Variants in HMGCLL1 observed in about 807,000 individuals in gnomAD.
HMGCLL1 encodes 3-hydroxy-3-methylglutaryl-CoA lyase like 1, also known as 3-hydroxymethyl-3-methylglutaryl-CoA lyase, cytoplasmic.
HMGCLL1 carries 36 observed loss-of-function variants against 39.1 expected under a neutral mutation model. That is an observed-to-expected ratio of 0.92 (90% CI 0.71 to 1.22). HMGCLL1 has a LOEUF of 1.22. Among genes scored for constraint, HMGCLL1 ranks in the 50% most tolerant of loss-of-function variants. The pLI is 0.00. For missense variants in HMGCLL1, 451 were observed against 416.5 expected, an observed-to-expected ratio of 1.08 and a Z score of -0.72; for synonymous variants, 149 against 144.0, an observed-to-expected ratio of 1.03 and a Z score of -0.25.
the HMGCLL1 span, among the ~76,000 whole-genome samples, chr6:55,648,513 A>AT: frequency 2.3e-5 from 2 of 86,590 alleles, no homozygotes; most frequent in East Asian, 6.6e-4. Context: ...AATAGACACA[A>AT]TAAAAAATGA....
chr6:55,446,953 G>T (rs564455856), intron 7 of HMGCLL1, among the ~76,000 whole-genome samples: 1 of 151,870 alleles, frequency 6.6e-6, no homozygotes, highest in South Asian at 2.1e-4. Context: ...AGTAATGTTA[G>T]ATTTAATTTA....
chr6:55,667,518 G>A, the HMGCLL1 span, among the ~76,000 whole-genome samples: 3 of 151,664 alleles, frequency 2.0e-5, no homozygotes, highest in South Asian at 4.1e-4. Context: ...GACAAGAAAC[G>A]GTACAAAGGA....
the HMGCLL1 span, among the ~76,000 whole-genome samples, chr6:55,597,348 A>G: frequency 4.6e-5 from 7 of 152,094 alleles, no homozygotes; most frequent in South Asian, 2.1e-4. Context: ...AAGCATATTG[A>G]AAGAAAAAGG....
At chr6:55,609,665 C>T in the HMGCLL1 span, among the ~76,000 whole-genome samples, 1 of 152,164 alleles carries the variant, frequency 6.6e-6, no homozygotes, top group African/African-American at 2.4e-5. Flanking sequence ...AACTCGTCCA[C>T]CAAGGGACAG....
the HMGCLL1 span, among the ~76,000 whole-genome samples, chr6:55,665,541 G>C: frequency 1.3e-5 from 2 of 151,750 alleles, no homozygotes; most frequent in African/African-American, 4.8e-5. Flanking sequence ...TCCCTCTCTT[G>C]GTTGTTTCAC....
chr6:55,542,210 AAAC>A, intron 1 of HMGCLL1, 70 bp from the exon 2 acceptor site: 2 of 943,766 alleles, frequency 2.1e-6, no homozygotes, highest in Non-Finnish European at 3.3e-6. Flanking sequence ...TTGAAAAGTT[AAAC>A]AACTGCACTT....
At chr6:55,530,201 T>G (rs576401377) in intron 3 of HMGCLL1, among the ~76,000 whole-genome samples, 1 of 152,074 alleles carries the variant, frequency 6.6e-6, no homozygotes, top group African/African-American at 2.4e-5. Flanking sequence ...TATAAATAGA[T>G]TACACATTAT....
At chr6:55,576,061 T>C (rs1771746374) in intron 1 of HMGCLL1, among the ~76,000 whole-genome samples, 1 of 152,222 alleles carries the variant, frequency 6.6e-6, no homozygotes, top group South Asian at 2.1e-4. Context: ...CCGTGGTGAA[T>C]TGCTTCCTTA....
Position 55,516,269 on chromosome 6 carries a change from A to G in HMGCLL1, c.393+239T>C, listed in dbSNP as rs569475756. Among the ~76,000 whole-genome samples the G allele has an allele frequency of 3.9e-4, 60 of 152,294 alleles. 2 individuals are homozygous for G. In the South Asian group the frequency reaches 0.012, roughly 31 times the overall value. ...TACTTCTAAGAAATTTCACAAAAAA[A>G]TGCAGAATTTTACTTTTGTGTTTTG... On this transcript the variant is annotated intron_variant, in intron 4 of 8. Transcript: ENST00000274901.
chr6:55,571,273 A>G (rs1285469409), intron 1 of HMGCLL1, among the ~76,000 whole-genome samples: 1 of 152,236 alleles, frequency 6.6e-6, no homozygotes, highest in Non-Finnish European at 1.5e-5. Context: ...AACAAAAAGA[A>G]TCTTGAGAAT....
At chr6:55,642,800 C>T in the HMGCLL1 span, among the ~76,000 whole-genome samples, 1 of 152,138 alleles carries the variant, frequency 6.6e-6, no homozygotes, top group African/African-American at 2.4e-5. Flanking sequence ...TCACCTTCCA[C>T]CCTCAAGTAG....
At chr6:55,667,924 A>G in the HMGCLL1 span, among the ~76,000 whole-genome samples, 1 of 151,118 alleles carries the variant, frequency 6.6e-6, no homozygotes, top group African/African-American at 2.4e-5. Context: ...TTGATTTTTA[A>G]GTTGTTTTAT....
chr6:55,549,465 C>T (rs1182131923), intron 1 of HMGCLL1, among the ~76,000 whole-genome samples: 1 of 150,774 alleles, frequency 6.6e-6, no homozygotes, highest in East Asian at 2.0e-4. Flanking sequence ...TGCCAAGTTT[C>T]CTCATGGAAA....
chr6:55,436,453 C>A lies in HMGCLL1; in HGVS notation c.922-690G>T, dbSNP rs1226018380. On this transcript the variant is annotated intron_variant, in intron 8 of 8. Coordinates refer to ENST00000274901, the MANE Select transcript of HMGCLL1 (RefSeq NM_001042406.2). ...CTGGGTATAAAGGGCAAGTTCAGGA[C>A]ATGCTCTTGGCTTTAGTGTAAGGAA... Among the ~76,000 whole-genome samples the A allele has an allele frequency of 5.9e-5, 9 of 152,022 alleles. 1 individual carries two copies. Among genetic ancestry groups the A allele is most frequent in the African/African-American group, 2.2e-4 (9 of 41,526 alleles).
rs1458542454 is a variant in HMGCLL1, at chr6:55,434,600, G to A, written c.*1062C>T. On this transcript the variant is annotated 3_prime_UTR_variant, in exon 9 of 9. Transcript: ENST00000274901. Reference sequence around the variant, plus strand: ...AGGTTACAGAAGTTTATCTTGAATAGTCCTCCTGCTCCTCATCCCTGACTT... The same window carrying A: ...AGGTTACAGAAGTTTATCTTGAATAATCCTCCTGCTCCTCATCCCTGACTT... The A allele has an allele frequency of 1.3e-5, 2 of 151,956 alleles. No homozygotes were observed. The highest frequency in any genetic ancestry group is 2.9e-5 in the Non-Finnish European group (2 of 67,990). 9.4% of individuals were successfully genotyped at this position (151,956 alleles called of 1,614,324 possible).
intron 7 of HMGCLL1, among the ~76,000 whole-genome samples, chr6:55,473,440 C>T (rs1220539226): frequency 6.0e-5 from 9 of 151,248 alleles, no homozygotes; most frequent in African/African-American, 1.9e-4. Flanking sequence ...GTTTCCAATA[C>T]ACCTTGTTAA....
chr6:55,585,395 AT>A, the HMGCLL1 span, among the ~76,000 whole-genome samples: 1 of 152,064 alleles, frequency 6.6e-6, no homozygotes, highest in Non-Finnish European at 1.5e-5. Flanking sequence ...AAATCCGCAT[AT>A]TTTTTGCCAA....
At chr6:55,472,269 T>A (rs1389985729) in intron 7 of HMGCLL1, among the ~76,000 whole-genome samples, 5 of 151,648 alleles carry the variant, frequency 3.3e-5, no homozygotes, top group Non-Finnish European at 7.4e-5. Flanking sequence ...TCGTTCCACA[T>A]TTTTGCCAGT....
At chr6:55,567,078 C>A (rs1771253934) in intron 1 of HMGCLL1, among the ~76,000 whole-genome samples, 1 of 151,878 alleles carries the variant, frequency 6.6e-6, no homozygotes, top group Admixed American at 6.6e-5. Flanking sequence ...CTCAACATAC[C>A]AGTGCTAATA....
Sources: allele counts gnomAD v4.1 joint callset (sites outside exome capture counted in the v4.1 genomes callset), GRCh38; gene constraint gnomAD v4.1.1; transcripts MANE v1.5; gene names NCBI Gene and HGNC (gene_info 2026-07-23, HGNC 2026-07-21).